The following ARHGEF10L variants were observed in gnomAD, a reference collection of about 807,000 sequenced individuals.
ARHGEF10L encodes the protein rho guanine nucleotide exchange factor 10-like protein.
In ARHGEF10L, 69 loss-of-function variants were observed where a neutral mutation model predicts 141.2. The ratio of observed to expected loss-of-function variants is 0.49; its 90% CI spans 0.40 to 0.60. The LOEUF (loss-of-function observed/expected upper bound fraction) is 0.60, where lower values mean the gene tolerates loss of function less well. Among genes scored for constraint, ARHGEF10L ranks in the 20% least tolerant of loss-of-function variants. The pLI is 0.00. For synonymous variants in ARHGEF10L, 711 were observed against 718.5 expected, an observed-to-expected ratio of 0.99 and a Z score of 0.17; for missense variants, 1,482 against 1,734.3, an observed-to-expected ratio of 0.85 and a Z score of 2.58.
chr1:17,543,156 A>G (rs899202112), intron 1 of ARHGEF10L, among the ~76,000 whole-genome samples: 4 of 152,120 alleles, frequency 2.6e-5, no homozygotes, highest in African/African-American at 9.7e-5. Flanking sequence ...CATTCCCAGG[A>G]GTGACTGGTC....
chr1:17,635,117 T>C, intron 18 of ARHGEF10L, 101 bp downstream of exon 18: 1 of 1,414,966 alleles, frequency 7.1e-7, no homozygotes, highest in Non-Finnish European at 9.6e-7. Context: ...TGGGGACCCC[T>C]ACATAGGCTG....
rs1419663123 is a variant in ARHGEF10L, at chr1:17,664,431, C to T, written c.2861-16C>T. ...CCGCTCCTGGCCCCTGACCTGCCTC[C>T]CCTCTCTCCCTGCAGGAGGTGTCCT... On this transcript the variant is annotated splice_polypyrimidine_tract_variant and intron_variant, in intron 25 of 28. Coordinates refer to ENST00000361221, the MANE Select transcript of ARHGEF10L (RefSeq NM_018125.4). 1.3e-6 allele frequency: 2 copies of T among 1,599,460 alleles called. No homozygotes were observed. Among genetic ancestry groups the T allele is most frequent in the Non-Finnish European group, 1.7e-6 (2 of 1,178,922 alleles).
At chr1:17,662,390 A>G (rs1454682955) in intron 25 of ARHGEF10L, among the ~76,000 whole-genome samples, 1 of 152,186 alleles carries the variant, frequency 6.6e-6, no homozygotes, top group Non-Finnish European at 1.5e-5. Context: ...GTGTGCAGAT[A>G]AGGGAAACTG....
At chr1:17,638,324 G>T (rs2061135622) in intron 19 of ARHGEF10L, among the ~76,000 whole-genome samples, 1 of 152,214 alleles carries the variant, frequency 6.6e-6, no homozygotes, top group Admixed American at 6.5e-5. Context: ...GGGGAAGCTG[G>T]CTGCGACGGC....
chr1:17,696,137 C>A (rs952997670), intron 28 of ARHGEF10L, among the ~76,000 whole-genome samples: 1 of 147,646 alleles, frequency 6.8e-6, no homozygotes, highest in Admixed American at 6.9e-5. Flanking sequence ...TTCTTGAACC[C>A]GGGAGGTGGA....
intron 15 of ARHGEF10L, among the ~76,000 whole-genome samples, chr1:17,631,122 C>T (rs1001039073): frequency 6.7e-6 from 1 of 148,946 alleles, no homozygotes; most frequent in East Asian, 2.0e-4. Flanking sequence ...TGGGGAGGCT[C>T]AGGGTGATCT....
chr1:17,543,888 TCCAC>T (rs2076821814), intron 1 of ARHGEF10L, among the ~76,000 whole-genome samples: 1 of 151,740 alleles, frequency 6.6e-6, no homozygotes, highest in Non-Finnish European at 1.5e-5. Flanking sequence ...CCTCAGGTGA[TCCAC>T]CTGCCTCAGC....
chr1:17,558,076 G>C lies in ARHGEF10L; in HGVS notation c.-44+18126G>C, dbSNP rs940955312. On this transcript the variant is annotated intron_variant, in intron 1 of 28. Transcript: ENST00000361221. This position sits in a 1 kb window ranked among gnomAD's most constrained non-coding sequence, Gnocchi z 4.2. ...TACCCACCCACCCGTGCATCCATCT[G>C]TCCATCTGTCCATCTGTCTACCCGT... Among the ~76,000 whole-genome samples, 2 of 149,698 alleles carry C rather than the reference G, an allele frequency of 1.3e-5. No homozygotes were observed. Among genetic ancestry groups the C allele is most frequent in the African/African-American group, 5.0e-5 (2 of 39,720 alleles).
chr1:17,640,748 C>T (rs548098240), intron 21 of ARHGEF10L, among the ~76,000 whole-genome samples: 1 of 152,280 alleles, frequency 6.6e-6, no homozygotes, highest in African/African-American at 2.4e-5. Flanking sequence ...TGGATTGTAT[C>T]TCAATAAAGC....
intron 7 of ARHGEF10L, among the ~76,000 whole-genome samples, chr1:17,609,760 A>G (rs1274899263): frequency 1.3e-5 from 2 of 152,186 alleles, no homozygotes; most frequent in Admixed American, 1.3e-4. Flanking sequence ...CTTAGGAGCT[A>G]GAGGAGACAG....
At chr1:17,588,587 C>T in intron 4 of ARHGEF10L, 108 bp downstream of exon 4, 1 of 1,399,764 alleles carries the variant, frequency 7.1e-7, no homozygotes, top group South Asian at 1.2e-5. Flanking sequence ...TGGTCTTTGG[C>T]TAAGGAGGAA....
the ARHGEF10L span, among the ~76,000 whole-genome samples, chr1:17,531,316 G>A: frequency 1.3e-5 from 2 of 152,156 alleles, no homozygotes; most frequent in Admixed American, 1.3e-4. Flanking sequence ...ACCCACCCCT[G>A]TGCCTCTGCT....
Position 17,638,641 on chromosome 1 carries a change from C to T in ARHGEF10L, c.2123C>T (p.Ser708Leu), listed in dbSNP as rs370049423. The change falls in exon 20 of 29, where the codon TCG (serine) becomes TTG (leucine). Residue 708 changes from serine (S) to leucine (L), a missense_variant. Ser to Leu is a moderately radical substitution (Grantham distance 145). Around this residue, in one of 3 missense-constraint regions of ARHGEF10L, gnomAD observed 858 missense variants for 966.3 expected, o/e 0.89. Transcript: ENST00000361221. ...LMRVKEEEIH[S>L]ANKCRLRLLL... The stretch of plus-strand genomic sequence containing the variant: ...CGGGTGAAGGAGGAAGAGATCCACT[C>T]GGCCAACAAGTGCCGTCTCAGGCTC... 6.9e-5 allele frequency: 111 copies of T among 1,614,022 alleles called. No individual in the cohort carries two copies. Among genetic ancestry groups the T allele is most frequent in the East Asian group, 1.1e-4 (5 of 44,880 alleles).
chr1:17,679,998 A>G (rs1421105891), intron 26 of ARHGEF10L, among the ~76,000 whole-genome samples: 4 of 152,118 alleles, frequency 2.6e-5, no homozygotes, highest in Non-Finnish European at 5.9e-5. Flanking sequence ...CTCAGCGTTG[A>G]GAGTCCCCCA....
intron 27 of ARHGEF10L, chr1:17,694,895 T>C (rs2065376219): frequency 1.6e-6 from 1 of 642,856 alleles, no homozygotes; most frequent in Non-Finnish European, 2.9e-6. Context: ...CCTGTGGTGT[T>C]CCCCCAATGC....
At chr1:17,666,729 C>A (rs1458404888) in intron 26 of ARHGEF10L, among the ~76,000 whole-genome samples, 1 of 151,720 alleles carries the variant, frequency 6.6e-6, no homozygotes, top group Non-Finnish European at 1.5e-5. Flanking sequence ...TGCTATCCCC[C>A]CAGCCCACCT....
At chr1:17,588,931 G>A (rs1423042398) in intron 4 of ARHGEF10L, among the ~76,000 whole-genome samples, 18 of 137,978 alleles carry the variant, frequency 1.3e-4, no homozygotes, top group Admixed American at 3.6e-4. Context: ...TTGAGGGTGG[G>A]GGGGGTGCAG....
intron 1 of ARHGEF10L, among the ~76,000 whole-genome samples, chr1:17,549,056 T>C (rs1027804717): frequency 6.6e-6 from 1 of 151,176 alleles, no homozygotes; most frequent in Non-Finnish European, 1.5e-5. Flanking sequence ...GGAGTGTTGC[T>C]CTGTCACCCC....
At chr1:17,587,680 T>C (rs778920988) in intron 3 of ARHGEF10L, 35 bp downstream of exon 3, 9 of 1,578,428 alleles carry the variant, frequency 5.7e-6, no homozygotes, top group African/African-American at 1.4e-5. Flanking sequence ...GTCCTGGGGC[T>C]ACAGGGAGCA....
Sources: gnomAD v4.1 joint callset for allele counts (sites outside exome capture counted in the v4.1 genomes callset) on GRCh38, gnomAD v4.1.1 for gene constraint, gnomAD v4.1.1 regional missense constraint, Gnocchi (gnomAD v3.1) non-coding constraint, MANE v1.5 for transcripts, NCBI Gene and HGNC (gene_info 2026-07-23, HGNC 2026-07-21) for gene names.